FRMD5: variants seen among roughly 807,000 people sequenced by gnomAD.
FRMD5 encodes the protein FERM domain containing 5, also known as FERM domain-containing protein 5.
FRMD5 carries 20 observed loss-of-function variants against 69.0 expected under a neutral mutation model. That is an observed-to-expected ratio of 0.29 (90% confidence interval 0.20 to 0.42). FRMD5 has a LOEUF of 0.42. FRMD5 is among the 10% of genes least tolerant of loss of function. The probability of loss-of-function intolerance (pLI) is 1.00; values close to 1 mark genes in which losing one functional copy is unlikely to be tolerated. For missense variants in FRMD5, 595 were observed against 708.6 expected, an observed-to-expected ratio of 0.84 and a Z score of 1.82; for synonymous variants, 271 against 260.1, an observed-to-expected ratio of 1.04 and a Z score of -0.40.
intron 2 of FRMD5, 87 bp downstream of exon 2, chr15:43,924,118 G>T (rs1340451732): frequency 1.9e-6 from 2 of 1,049,908 alleles, no homozygotes; most frequent in African/African-American, 1.6e-5. Flanking sequence ...GATTCCTGAA[G>T]CTTGACTTTG....
At chr15:44,105,043 A>G (rs1172882066) in intron 1 of FRMD5, among the ~76,000 whole-genome samples, 1 of 151,104 alleles carries the variant, frequency 6.6e-6, no homozygotes, top group Non-Finnish European at 1.5e-5. Context: ...TCATAGTAGT[A>G]CCATACATGG....
intron 1 of FRMD5, among the ~76,000 whole-genome samples, chr15:43,961,642 G>A (rs2090203206): frequency 1.3e-5 from 2 of 152,230 alleles, no homozygotes; most frequent in African/African-American, 4.8e-5. Flanking sequence ...GAATATTGAT[G>A]CAAAAATCCT....
intron 12 of FRMD5, among the ~76,000 whole-genome samples, chr15:43,884,523 C>T (rs1430967787): frequency 6.6e-6 from 1 of 152,184 alleles, no homozygotes; most frequent in Non-Finnish European, 1.5e-5. Context: ...GTACTATCTG[C>T]AGTAGCCCTT....
intron 1 of FRMD5, among the ~76,000 whole-genome samples, chr15:44,175,356 T>C (rs2077875377): frequency 6.6e-6 from 1 of 152,194 alleles, no homozygotes; most frequent in African/African-American, 2.4e-5. Context: ...AGGATTTCAT[T>C]ATTTTATACT....
At chr15:43,982,881 G>C (rs1566878613) in intron 1 of FRMD5, among the ~76,000 whole-genome samples, 1 of 152,042 alleles carries the variant, frequency 6.6e-6, no homozygotes, top group Non-Finnish European at 1.5e-5. Flanking sequence ...CCTTCAGTTG[G>C]AAAGAAAAAA....
chr15:44,058,470 T>C (rs1892957248), intron 1 of FRMD5, among the ~76,000 whole-genome samples: 1 of 152,222 alleles, frequency 6.6e-6, no homozygotes, highest in Admixed American at 6.5e-5. Context: ...CACTGAATTA[T>C]GTACTTTAAA....
At chr15:43,926,851 A>G (rs1211638846) in intron 1 of FRMD5, among the ~76,000 whole-genome samples, 2 of 149,824 alleles carry the variant, frequency 1.3e-5, no homozygotes, top group Non-Finnish European at 3.0e-5. Context: ...ACTGAACCCA[A>G]TGTGTGGCTG....
intron 1 of FRMD5, among the ~76,000 whole-genome samples, chr15:44,121,898 G>C (rs1289196588): frequency 2.7e-5 from 4 of 147,820 alleles, no homozygotes; most frequent in Non-Finnish European, 5.9e-5. Context: ...GGGAGGGTGA[G>C]ACAGGAGAAT....
chr15:44,029,322 GA>G (rs34192621), intron 1 of FRMD5, among the ~76,000 whole-genome samples: 1 of 149,402 alleles, frequency 6.7e-6, no homozygotes, highest in African/African-American at 2.4e-5. Flanking sequence ...TTGCTTCAAG[GA>G]AAAAAAAAAA....
intron 1 of FRMD5, among the ~76,000 whole-genome samples, chr15:44,090,923 A>G (rs936911892): frequency 2.6e-5 from 4 of 152,114 alleles, no homozygotes; most frequent in African/African-American, 7.2e-5. Flanking sequence ...GCAAATACCC[A>G]ATCTGAGAAA....
chr15:43,988,503 G>C (rs1191592880), intron 1 of FRMD5, among the ~76,000 whole-genome samples: 3 of 151,882 alleles, frequency 2.0e-5, no homozygotes, highest in Non-Finnish European at 4.4e-5. Context: ...TATTCAACTG[G>C]TCTCAAGTCA....
chr15:44,034,956 C>G (rs1187184911), intron 1 of FRMD5, among the ~76,000 whole-genome samples: 2 of 152,206 alleles, frequency 1.3e-5, no homozygotes, highest in Non-Finnish European at 2.9e-5. Flanking sequence ...GTCCCTAAAG[C>G]TGGTTCCCTG....
At chr15:44,134,969 G>A (rs942538673) in intron 1 of FRMD5, among the ~76,000 whole-genome samples, 3 of 152,176 alleles carry the variant, frequency 2.0e-5, no homozygotes, top group Admixed American at 2.0e-4. Flanking sequence ...ACAAGAAATA[G>A]GTGGAAAGAT....
intron 1 of FRMD5, among the ~76,000 whole-genome samples, chr15:43,967,123 TA>T (rs767450036): frequency 3.9e-5 from 6 of 152,114 alleles, no homozygotes; most frequent in Non-Finnish European, 8.8e-5. Flanking sequence ...ATAGTTCAAT[TA>T]AAAATTATTT....
intron 7 of FRMD5, among the ~76,000 whole-genome samples, chr15:43,898,607 C>T (rs976459931): frequency 3.3e-5 from 5 of 152,202 alleles, no homozygotes; most frequent in Non-Finnish European, 5.9e-5. Context: ...TGCAGGAGAC[C>T]CAGGCCAAAC....
rs1455348607 is a variant in FRMD5 at position 44,195,042 on chromosome 15, A to G, written c.13T>C (p.Leu5=). 1 of 1,547,278 alleles carries G rather than the reference A, an allele frequency of 6.5e-7. No individual in the cohort carries two copies. Among genetic ancestry groups the G allele is most frequent in the East Asian group, 2.5e-5 (1 of 40,654 alleles). ...AGGCTCCTGCTGCTGCCGCTCATCA[A>G]CCTGCTCAGCATCTTCCCGCCCGCC... The part of the protein sequence containing the change: MLSR[L]MSGSSRSLER... Residue 5 remains leucine (L), a synonymous_variant, in exon 1 of 14, where the codon TTG becomes CTG. Transcript: ENST00000417257.
intron 13 of FRMD5, among the ~76,000 whole-genome samples, chr15:43,882,673 A>G (rs912193410): frequency 3.3e-5 from 5 of 151,580 alleles, no homozygotes; most frequent in African/African-American, 1.2e-4. Flanking sequence ...ACAGATTTCT[A>G]TAGCTGAAGC....
chr15:44,177,158 A>T lies in FRMD5; in HGVS notation c.102+17795T>A, dbSNP rs139087054. On this transcript the variant is annotated intron_variant, in intron 1 of 13. Transcript: ENST00000417257. ...AATTACCACACAATCCAGCAATTCC[A>T]CTCTTAGGTATCCATCCAAAAGAAA... Among the ~76,000 whole-genome samples the T allele has an allele frequency of 3.5e-3, 539 of 152,180 alleles. 3 individuals are homozygous for T. The highest frequency in any genetic ancestry group is 0.012 in the African/African-American group (480 of 41,530).
intron 5 of FRMD5, among the ~76,000 whole-genome samples, chr15:43,907,727 C>T (rs372204857): frequency 5.3e-5 from 8 of 152,244 alleles, no homozygotes; most frequent in African/African-American, 1.2e-4. Context: ...AGGATGGCTT[C>T]GATCTCTTGA....
Sources: allele counts gnomAD v4.1 joint callset (sites outside exome capture counted in the v4.1 genomes callset), GRCh38; gene constraint gnomAD v4.1.1; transcripts MANE v1.5; gene names NCBI Gene and HGNC (gene_info 2026-07-23, HGNC 2026-07-21).